FHIT: variants seen among roughly 807,000 people sequenced by gnomAD.
The protein encoded by FHIT is bis(5'-adenosyl)-triphosphatase.
Under a neutral mutation model 17.9 loss-of-function variants are expected in FHIT, and 19 were observed. That is an observed-to-expected ratio of 1.06 (90% CI 0.74 to 1.56). FHIT has a LOEUF of 1.56. Among genes scored for constraint, FHIT ranks in the 40% most tolerant of loss-of-function variants. The pLI is 0.00. For synonymous variants in FHIT, 81 were observed against 69.7 expected, an observed-to-expected ratio of 1.16 and a Z score of -0.81; for missense variants, 248 against 189.2, an observed-to-expected ratio of 1.31 and a Z score of -1.82.
In FHIT at chr3:60,733,330, T is replaced by C. The variant is rs551413561; in HGVS notation, c.-18+88589A>G. 6.6e-5 allele frequency among the ~76,000 whole-genome samples: 10 copies of C among 152,376 alleles called. No individual in the cohort carries two copies. In the South Asian group the frequency reaches 2.1e-3, roughly 32 times the overall value. ...CTGCATTTTATGTGAAACTTCCAGA[T>C]TTTCTAGTATTTTCTAATTTTTGCT... On this transcript the variant is annotated intron_variant, in intron 4 of 9. Transcript: ENST00000492590.
intron 8 of FHIT, among the ~76,000 whole-genome samples, chr3:59,864,916 C>T (rs895909551): frequency 6.6e-6 from 1 of 151,860 alleles, no homozygotes; most frequent in African/African-American, 2.4e-5. Flanking sequence ...AGAGCAGTTC[C>T]TATACCATCA....
At chr3:60,812,596 C>T (rs1195237184) in intron 4 of FHIT, among the ~76,000 whole-genome samples, 1 of 152,164 alleles carries the variant, frequency 6.6e-6, no homozygotes, top group Non-Finnish European at 1.5e-5. Context: ...TGTCTCACAG[C>T]CATGACTCCA....
chr3:59,927,003 A>T (rs992814330), intron 7 of FHIT, among the ~76,000 whole-genome samples: 1 of 152,262 alleles, frequency 6.6e-6, no homozygotes, highest in African/African-American at 2.4e-5. Flanking sequence ...ACATATGTCC[A>T]CACAAAAACT....
intron 4 of FHIT, among the ~76,000 whole-genome samples, chr3:60,632,403 C>G (rs1036440283): frequency 9.9e-5 from 15 of 152,124 alleles, no homozygotes; most frequent in Non-Finnish European, 1.6e-4. Flanking sequence ...TTGACATGGC[C>G]CGTTACCAAG....
intron 1 of FHIT, among the ~76,000 whole-genome samples, chr3:61,205,660 G>C (rs1454027392): frequency 6.6e-6 from 1 of 152,152 alleles, no homozygotes; most frequent in South Asian, 2.1e-4. Flanking sequence ...CCCACTTTTT[G>C]ATGGGGTTGT....
chr3:60,842,641 ATATATTTTT>A (rs1702773693), intron 3 of FHIT, among the ~76,000 whole-genome samples: 24 of 47,182 alleles, frequency 5.1e-4, no homozygotes, highest in Admixed American at 2.9e-3. Flanking sequence ...ATATATATAT[ATATATTTTT>A]TTTTTTTTTT....
At chr3:61,018,137 T>C (rs976328845) in intron 3 of FHIT, among the ~76,000 whole-genome samples, 4 of 152,180 alleles carry the variant, frequency 2.6e-5, no homozygotes, top group Admixed American at 6.5e-5. Context: ...ATCATCCTTA[T>C]TATACAGATA....
chr3:59,760,974 C>T (rs190114944), intron 8 of FHIT, among the ~76,000 whole-genome samples: 25 of 152,168 alleles, frequency 1.6e-4, no homozygotes, highest in Admixed American at 2.6e-4. Context: ...CCACTGTGCT[C>T]GGCCTAGAAC....
At chr3:60,135,995 T>C (rs749290651) in intron 5 of FHIT, among the ~76,000 whole-genome samples, 1 of 152,136 alleles carries the variant, frequency 6.6e-6, no homozygotes, top group Non-Finnish European at 1.5e-5. Flanking sequence ...TCTGTAACAA[T>C]ATATGTATTT....
chr3:60,001,380 G>A (rs1247658817), intron 7 of FHIT, among the ~76,000 whole-genome samples: 2 of 152,154 alleles, frequency 1.3e-5, no homozygotes, highest in African/African-American at 4.8e-5. Flanking sequence ...CAAGGACTAC[G>A]TCTCATTCTT....
At chr3:60,194,081 A>C (rs1205598540) in intron 5 of FHIT, among the ~76,000 whole-genome samples, 3 of 152,188 alleles carry the variant, frequency 2.0e-5, no homozygotes, top group Admixed American at 6.5e-5. Flanking sequence ...CAGAAATAGA[A>C]AACTCAATCC....
At chr3:59,918,205 G>A (rs1705226145) in intron 8 of FHIT, among the ~76,000 whole-genome samples, 1 of 151,610 alleles carries the variant, frequency 6.6e-6, no homozygotes, top group African/African-American at 2.4e-5. Context: ...GGTTCTTCTA[G>A]TTCAACACCT....
intron 5 of FHIT, among the ~76,000 whole-genome samples, chr3:60,319,688 C>A (rs1709330085): frequency 6.6e-6 from 1 of 152,132 alleles, no homozygotes; most frequent in Admixed American, 6.6e-5. Flanking sequence ...AGCACAGCCA[C>A]AATGAAACCG....
intron 5 of FHIT, among the ~76,000 whole-genome samples, chr3:60,363,683 C>G (rs140537551): frequency 5.2e-4 from 79 of 152,234 alleles, no homozygotes; most frequent in African/African-American, 1.8e-3. Context: ...GTCCCCATCA[C>G]TCCCCACTCT....
At chr3:61,005,540 ACTT>A (rs753627174) in intron 3 of FHIT, among the ~76,000 whole-genome samples, 14 of 152,132 alleles carry the variant, frequency 9.2e-5, no homozygotes, top group Admixed American at 3.9e-4. Context: ...GGAGCAAAGA[ACTT>A]CTGCAACAGA....
chr3:61,209,946 T>C (rs1303115607), intron 1 of FHIT, among the ~76,000 whole-genome samples: 1 of 152,214 alleles, frequency 6.6e-6, no homozygotes, highest in Non-Finnish European at 1.5e-5. Context: ...TGTGGTTTTA[T>C]CTACCTTTGG....
intron 5 of FHIT, among the ~76,000 whole-genome samples, chr3:60,180,632 A>C (rs1366533266): frequency 6.6e-6 from 1 of 152,192 alleles, no homozygotes; most frequent in East Asian, 1.9e-4. Context: ...TACATTTTAT[A>C]TTTTAATTCT....
At chr3:61,020,641 T>C (rs1403905751) in intron 3 of FHIT, among the ~76,000 whole-genome samples, 1 of 152,174 alleles carries the variant, frequency 6.6e-6, no homozygotes, top group Non-Finnish European at 1.5e-5. Context: ...GCTAGCATCA[T>C]AATGACAGGA....
intron 5 of FHIT, among the ~76,000 whole-genome samples, chr3:60,246,632 T>TTGGAGTGGAGC (rs1705410190): frequency 6.6e-6 from 1 of 152,166 alleles, no homozygotes; most frequent in South Asian, 2.1e-4. Context: ...CTGTCTCCAG[T>TTGGAGTGGAGC]TGGAGTGGAG....
Sources: gnomAD v4.1 joint callset for allele counts (sites outside exome capture counted in the v4.1 genomes callset) on GRCh38, gnomAD v4.1.1 for gene constraint, MANE v1.5 for transcripts, NCBI Gene and HGNC (gene_info 2026-07-23, HGNC 2026-07-21) for gene names.